CPLANE1: variants seen among roughly 807,000 people sequenced by gnomAD.
CPLANE1 encodes the protein ciliogenesis and planar polarity effector complex subunit 1, also known as ciliogenesis and planar polarity effector 1.
CPLANE1 carries 263 observed loss-of-function variants against 362.5 expected under a neutral mutation model. The observed-to-expected ratio is 0.73, with a 90% CI of 0.66 to 0.80. The LOEUF is 0.80. Ranked by LOEUF, CPLANE1 falls within the 30% of genes least tolerant of loss-of-function variation. The pLI, the probability that CPLANE1 is intolerant of heterozygous loss-of-function variation, is 0.00. For missense variants in CPLANE1, 3,461 were observed against 3,793.4 expected (o/e 0.91, Z 2.30); for synonymous variants, 1,212 against 1,302.6 (o/e 0.93, Z 1.50).
chr5:37,142,765 G>A lies in CPLANE1; in HGVS notation c.8462-285C>T, dbSNP rs542561076. 14 of 187,728 alleles carry A rather than the reference G, an allele frequency of 7.5e-5. No individual in the cohort carries two copies. The South Asian group carries it at 1.1e-3, about 15-fold the overall frequency. The allele number at this position is 187,728 out of a possible 1,614,324, so 11.6% of individuals were successfully genotyped here. ...ATTACAAAAAAAAATTTTAATATAC[G>A]ACCAATCTTTCTAAACAGAGAAATC... On this transcript the variant is annotated intron_variant, in intron 43 of 52. Transcript: ENST00000651892.
chr5:37,131,482 G>C (rs1282151550), intron 46 of CPLANE1, among the ~76,000 whole-genome samples: 1 of 151,788 alleles, frequency 6.6e-6, no homozygotes, highest in African/African-American at 2.4e-5. Flanking sequence ...CTTGGTCTTA[G>C]AGCTCTATCT....
chr5:37,081,143 A>G, the CPLANE1 span, among the ~76,000 whole-genome samples: 1 of 152,178 alleles, frequency 6.6e-6, no homozygotes, highest in Non-Finnish European at 1.5e-5. Context: ...CCTGTCTCAT[A>G]AGTAAATAAA....
At chr5:37,172,856 C>T (rs535187643) in intron 32 of CPLANE1, among the ~76,000 whole-genome samples, 12 of 152,274 alleles carry the variant, frequency 7.9e-5, no homozygotes, top group African/African-American at 2.9e-4. Context: ...CAAGGTGGTA[C>T]ATGCCTATAA....
chr5:37,151,640 C>T (rs1055116718), intron 42 of CPLANE1, among the ~76,000 whole-genome samples: 1 of 152,196 alleles, frequency 6.6e-6, no homozygotes, highest in South Asian at 2.1e-4. Flanking sequence ...ATAATGACTA[C>T]TAAACTAGCT....
chr5:37,217,479 C>T (rs1354093686), intron 15 of CPLANE1, among the ~76,000 whole-genome samples: 2 of 151,346 alleles, frequency 1.3e-5, no homozygotes, highest in Admixed American at 6.6e-5. Flanking sequence ...TGGTGGTGCA[C>T]GCTTGTAATC....
chr5:37,125,505 G>T lies in CPLANE1; in HGVS notation c.8793-96C>A, dbSNP rs1052196772. ...AACACTATTTATCCGGAAATATTTTGCCCCATCTTCAAAAGTAGTATATAC... is the reference window on the plus strand; with the variant it reads ...AACACTATTTATCCGGAAATATTTTTCCCCATCTTCAAAAGTAGTATATAC... On this transcript the variant is annotated intron_variant, in intron 46 of 52. Transcript: ENST00000651892. The T allele has an allele frequency of 4.8e-6, 6 of 1,247,838 alleles. No homozygotes were observed. In the Admixed American group the frequency reaches 1.1e-4, roughly 24 times the overall value. The allele number at this position is 1,247,838 out of a possible 1,614,324, so 77.3% of individuals were successfully genotyped here.
At chr5:37,230,532 T>C (rs1257461303) in intron 9 of CPLANE1, among the ~76,000 whole-genome samples, 2 of 152,130 alleles carry the variant, frequency 1.3e-5, no homozygotes, top group Non-Finnish European at 2.9e-5. Flanking sequence ...TATGTCAAGT[T>C]AATTTTGAGT....
intron 18 of CPLANE1, among the ~76,000 whole-genome samples, chr5:37,202,366 C>G (rs1386442196): frequency 6.6e-6 from 1 of 152,082 alleles, no homozygotes; most frequent in Admixed American, 6.6e-5. Context: ...CCATGTTGGT[C>G]AGGCTGGTCT....
At chr5:37,203,168 C>T (rs750998115) in intron 18 of CPLANE1, among the ~76,000 whole-genome samples, 2 of 152,132 alleles carry the variant, frequency 1.3e-5, no homozygotes, top group Non-Finnish European at 2.9e-5. Context: ...TCCATCACTC[C>T]AAAAGTTATA....
chr5:37,211,960 A>G (rs1792736570), intron 16 of CPLANE1: 2 of 859,600 alleles, frequency 2.3e-6, no homozygotes, highest in African/African-American at 1.6e-5. Flanking sequence ...TCATATCAGC[A>G]CCCAAGTGTA....
At chr5:37,214,176 C>CA (rs1321269520) in intron 15 of CPLANE1, among the ~76,000 whole-genome samples, 1 of 152,006 alleles carries the variant, frequency 6.6e-6, no homozygotes, top group Admixed American at 6.6e-5. Context: ...TAAAATTTAT[C>CA]AAAATTGGCT....
the CPLANE1 span, among the ~76,000 whole-genome samples, chr5:37,078,337 G>A: frequency 2.0e-5 from 3 of 152,092 alleles, no homozygotes; most frequent in Non-Finnish European, 4.4e-5. Context: ...AAGGATAACG[G>A]CCTCCAGCTC....
intron 1 of CPLANE1, among the ~76,000 whole-genome samples, chr5:37,248,996 G>A (rs1435320047): frequency 1.3e-5 from 2 of 152,184 alleles, no homozygotes; most frequent in African/African-American, 2.4e-5. Context: ...GGGTGACCCC[G>A]GCCCCTTGGG....
chr5:37,077,587 CTT>C, the CPLANE1 span, among the ~76,000 whole-genome samples: 28 of 139,832 alleles, frequency 2.0e-4, no homozygotes, highest in South Asian at 2.6e-3. Flanking sequence ...TATCAAGAAA[CTT>C]GTGTGTGTGT....
intron 8 of CPLANE1, among the ~76,000 whole-genome samples, chr5:37,235,993 T>C: frequency 6.6e-6 from 1 of 151,214 alleles, no homozygotes; most frequent in African/African-American, 2.4e-5. Context: ...CCTCAGCCTC[T>C]TCAGTAGCTG....
chr5:37,133,430 A>T (rs541160639), intron 46 of CPLANE1, among the ~76,000 whole-genome samples: 2 of 151,584 alleles, frequency 1.3e-5, no homozygotes, highest in Admixed American at 1.3e-4. Context: ...TTTTTATGTC[A>T]CCTGCGATTT....
At chr5:37,086,908 A>C in the CPLANE1 span, among the ~76,000 whole-genome samples, 1 of 152,204 alleles carries the variant, frequency 6.6e-6, no homozygotes, top group Admixed American at 6.5e-5. Flanking sequence ...CTGCAAAGGA[A>C]GCATGACGGA....
Position 37,212,266 on chromosome 5 carries a change from A to G in CPLANE1, c.2920+1293T>C, listed in dbSNP as rs1034489195. 13 of 1,339,000 alleles carry G rather than the reference A, an allele frequency of 9.7e-6. No individual in the cohort carries two copies. In the African/African-American group the frequency reaches 1.7e-4, roughly 18 times the overall value. 82.9% of individuals were successfully genotyped at this position (1,339,000 alleles called of 1,614,324 possible). A position where few individuals can be genotyped will look rare whatever the true frequency, so the allele number is the denominator to read the frequency against. On this transcript the variant is annotated intron_variant, in intron 16 of 52. Transcript: ENST00000651892. ...ATCCAGCAAGACCAGGAGTCGGCAG[A>G]TAAGAGCTCAAAAAAGATGGTCCAG...
chr5:37,099,411 G>A, the CPLANE1 span, among the ~76,000 whole-genome samples: 1 of 152,162 alleles, frequency 6.6e-6, no homozygotes, highest in African/African-American at 2.4e-5. Flanking sequence ...TTCTGTTCCT[G>A]TGTTAGTTTA....
Sources: gnomAD v4.1 joint callset for allele counts (sites outside exome capture counted in the v4.1 genomes callset) on GRCh38, gnomAD v4.1.1 for gene constraint, MANE v1.5 for transcripts, NCBI Gene and HGNC (gene_info 2026-07-23, HGNC 2026-07-21) for gene names.